TENM3: variants seen among roughly 807,000 people sequenced by gnomAD.
TENM3 encodes teneurin-3.
Under a neutral mutation model 255.1 loss-of-function variants are expected in TENM3, and 63 were observed. The ratio of observed to expected loss-of-function variants is 0.25; its 90% confidence interval spans 0.20 to 0.30. TENM3 has a LOEUF of 0.30. TENM3 is among the 10% of genes least tolerant of loss of function. The probability of loss-of-function intolerance (pLI) is 1.00; values close to 1 mark genes in which losing one functional copy is unlikely to be tolerated. For missense variants in TENM3, 2,929 were observed against 3,461.1 expected (o/e 0.85, Z 3.86); for synonymous variants, 1,306 against 1,322.3 (o/e 0.99, Z 0.27).
chr4:181,601,616 T>TTA, the TENM3 span, among the ~76,000 whole-genome samples: 1 of 152,174 alleles, frequency 6.6e-6, no homozygotes, highest in Admixed American at 6.6e-5. Flanking sequence ...AGTTGAGTAT[T>TTA]TATATATATT....
At chr4:182,517,944 G>C (rs1032319048) in intron 3 of TENM3, among the ~76,000 whole-genome samples, 1 of 152,040 alleles carries the variant, frequency 6.6e-6, no homozygotes, top group African/African-American at 2.4e-5. Context: ...AATACAAATA[G>C]TCCCCTACAT....
chr4:182,326,853 A>T (rs1763446698), intron 2 of TENM3, among the ~76,000 whole-genome samples: 1 of 152,138 alleles, frequency 6.6e-6, no homozygotes, highest in African/African-American at 2.4e-5. Flanking sequence ...CATTTTAGTC[A>T]ATTTTGAATT....
chr4:181,656,710 G>A, the TENM3 span, among the ~76,000 whole-genome samples: 3 of 152,266 alleles, frequency 2.0e-5, no homozygotes, highest in East Asian at 3.9e-4. Context: ...AATAGCAGGG[G>A]TGGAGCTATG....
intron 19 of TENM3, among the ~76,000 whole-genome samples, chr4:182,745,111 A>T (rs537396646): frequency 6.6e-6 from 1 of 152,354 alleles, no homozygotes; most frequent in Non-Finnish European, 1.5e-5. Flanking sequence ...ATAAGTCAAC[A>T]TAACCCATTT....
Position 182,719,851 on chromosome 4 carries a change from A to G in TENM3, c.2368+5618A>G, listed in dbSNP as rs530362894. Among the ~76,000 whole-genome samples, 10 of 152,272 alleles carry G rather than the reference A, an allele frequency of 6.6e-5. No homozygotes were observed. In the East Asian group the frequency reaches 1.9e-3, roughly 29 times the overall value. On this transcript the variant is annotated intron_variant, in intron 13 of 27. Coordinates refer to ENST00000511685, the MANE Select transcript of TENM3 (RefSeq NM_001080477.4). ...TGAGGCAGTTGGATTACTTGAGCCC[A>G]GGAGTTTGATATCAGCCTGGCCAGC...
At chr4:182,404,239 T>A (rs1769401700) in intron 3 of TENM3, among the ~76,000 whole-genome samples, 1 of 152,168 alleles carries the variant, frequency 6.6e-6, no homozygotes, top group Admixed American at 6.5e-5. Context: ...AATATAAAGT[T>A]CTTAACAGTT....
At chr4:181,847,567 CATAACATATTAT>C in the TENM3 span, among the ~76,000 whole-genome samples, 1 of 151,872 alleles carries the variant, frequency 6.6e-6, no homozygotes, top group Admixed American at 6.6e-5. Context: ...TTATATTGAT[CATAACATATTAT>C]ATAACATATT....
rs573269478 is a variant in TENM3 at position 182,409,480 on chromosome 4, G to A, written c.511+62551G>A. 9.2e-5 allele frequency among the ~76,000 whole-genome samples: 14 copies of A among 152,244 alleles called. 1 individual carries two copies. In the South Asian group the frequency reaches 2.7e-3, roughly 29 times the overall value. On this transcript the variant is annotated intron_variant, in intron 3 of 27. Coordinates refer to ENST00000511685, the MANE Select transcript of TENM3 (RefSeq NM_001080477.4). ...AGCTTTGGCTGCGGTATTTTCCCCT[G>A]TCGGGCCCAGATCCAGGATTGGGCT...
At chr4:182,551,419 A>T (rs1313259617) in intron 3 of TENM3, among the ~76,000 whole-genome samples, 1 of 152,050 alleles carries the variant, frequency 6.6e-6, no homozygotes, top group Non-Finnish European at 1.5e-5. Context: ...GTGGTAGGAT[A>T]ACTATGTAAA....
chr4:181,690,935 T>A, the TENM3 span, among the ~76,000 whole-genome samples: 3 of 152,162 alleles, frequency 2.0e-5, no homozygotes, highest in Non-Finnish European at 2.9e-5. Context: ...GCAAATACCT[T>A]TTTAAGCCTT....
At chr4:181,961,482 C>A in the TENM3 span, among the ~76,000 whole-genome samples, 1 of 151,994 alleles carries the variant, frequency 6.6e-6, no homozygotes, top group Non-Finnish European at 1.5e-5. Context: ...GCGTAGTGTG[C>A]GATCTCGACT....
the TENM3 span, among the ~76,000 whole-genome samples, chr4:181,481,074 A>C: frequency 1.5e-4 from 23 of 152,104 alleles, no homozygotes; most frequent in African/African-American, 5.3e-4. Flanking sequence ...AAGTTGAATG[A>C]AAGTATACCT....
At chr4:182,036,437 C>T in the TENM3 span, among the ~76,000 whole-genome samples, 1 of 152,072 alleles carries the variant, frequency 6.6e-6, no homozygotes, top group Non-Finnish European at 1.5e-5. Context: ...GTGATCCGCC[C>T]ACCTTGGCAT....
the TENM3 span, among the ~76,000 whole-genome samples, chr4:181,573,604 A>C: frequency 2.6e-5 from 4 of 152,304 alleles, no homozygotes; most frequent in South Asian, 6.2e-4. Flanking sequence ...AACTAGAACA[A>C]GGCTAATATA....
chr4:181,489,052 C>A, the TENM3 span, among the ~76,000 whole-genome samples: 1 of 152,086 alleles, frequency 6.6e-6, no homozygotes, highest in Non-Finnish European at 1.5e-5. Context: ...GGCAAGTGAC[C>A]AGAGGGGACT....
the TENM3 span, among the ~76,000 whole-genome samples, chr4:181,636,279 G>A: frequency 6.6e-6 from 1 of 152,140 alleles, no homozygotes; most frequent in South Asian, 2.1e-4. Flanking sequence ...TCTTGAACTC[G>A]TGATCCACCC....
intron 3 of TENM3, among the ~76,000 whole-genome samples, chr4:182,392,615 C>T (rs1436008072): frequency 1.3e-5 from 2 of 152,006 alleles, no homozygotes; most frequent in Non-Finnish European, 2.9e-5. Flanking sequence ...ATGTGGGGAG[C>T]GCTGAGAGCG....
At chr4:182,157,681 A>G (rs892198211) in intron 1 of TENM3, among the ~76,000 whole-genome samples, 11 of 152,218 alleles carry the variant, frequency 7.2e-5, no homozygotes, top group Non-Finnish European at 1.3e-4. Context: ...TAGTACCAAC[A>G]CAGACTTGTC....
chr4:182,165,330 T>G lies in TENM3; in HGVS notation c.-76+20576T>G, dbSNP rs528255089. On this transcript the variant is annotated intron_variant, in intron 1 of 2. Transcript: ENST00000512480. ...AGATTATGCATTATATTTAGGAATT[T>G]GCTGAGGACCAAAAAGTTACTTTAT... 2.0e-5 allele frequency among the ~76,000 whole-genome samples: 3 copies of G among 152,360 alleles called. No individual in the cohort carries two copies. The South Asian group carries it at 6.2e-4, about 32-fold the overall frequency.
Sources: allele counts gnomAD v4.1 joint callset (sites outside exome capture counted in the v4.1 genomes callset), GRCh38; gene constraint gnomAD v4.1.1; transcripts MANE v1.5; gene names NCBI Gene and HGNC (gene_info 2026-07-23, HGNC 2026-07-21).